CAMTA1: variants seen among roughly 807,000 people sequenced by gnomAD.
CAMTA1 encodes calmodulin binding transcription activator 1, also known as calmodulin-binding transcription activator 1.
Under a neutral mutation model 170.9 loss-of-function variants are expected in CAMTA1, and 27 were observed. The ratio of observed to expected loss-of-function variants is 0.16; its 90% CI spans 0.12 to 0.22. The LOEUF (loss-of-function observed/expected upper bound fraction) is 0.22. Among genes scored for constraint, CAMTA1 ranks in the 10% least tolerant of loss-of-function variants. The pLI, the probability that CAMTA1 is intolerant of heterozygous loss-of-function variation, is 1.00. For missense variants in CAMTA1, 1,619 were observed against 2,217.2 expected, an observed-to-expected ratio of 0.73 and a Z score of 5.42; for synonymous variants, 833 against 891.5, an observed-to-expected ratio of 0.93 and a Z score of 1.17.
intron 6 of CAMTA1, among the ~76,000 whole-genome samples, chr1:7,475,673 C>T (rs941607704): frequency 5.9e-5 from 9 of 152,216 alleles, no homozygotes; most frequent in African/African-American, 1.7e-4. Flanking sequence ...CCGTGCGTGA[C>T]GGCCACTGAG....
At chr1:7,548,033 C>A (rs1343531648) in intron 6 of CAMTA1, among the ~76,000 whole-genome samples, 1 of 152,194 alleles carries the variant, frequency 6.6e-6, no homozygotes, top group Non-Finnish European at 1.5e-5. Context: ...CATATGCTGG[C>A]CCCGACTTAA....
At chr1:7,230,548 A>G (rs951315179) in intron 4 of CAMTA1, among the ~76,000 whole-genome samples, 1 of 151,402 alleles carries the variant, frequency 6.6e-6, no homozygotes, top group African/African-American at 2.4e-5. Flanking sequence ...ACCAAAAGCC[A>G]TTCCTCTGAT....
chr1:7,014,764 T>G lies in CAMTA1; in HGVS notation c.235-76540T>G, dbSNP rs571911308. 3.3e-5 allele frequency among the ~76,000 whole-genome samples: 5 copies of G among 152,286 alleles called. No homozygotes were observed. Among genetic ancestry groups the G allele is most frequent in the African/African-American group, 1.2e-4 (5 of 41,570 alleles). On this transcript the variant is annotated intron_variant, in intron 3 of 22. Transcript: ENST00000303635. The surrounding 1 kb of genome is among the most constrained non-coding windows in gnomAD (Gnocchi z 4.2). Reference sequence around the variant, plus strand: ...AGGGGGCCAGTCTAGAGGTTACACATTCTGAGCTACCTTTCGGGGTCTGTG... The same window carrying G: ...AGGGGGCCAGTCTAGAGGTTACACAGTCTGAGCTACCTTTCGGGGTCTGTG...
chr1:7,353,654 C>A (rs930466470), intron 5 of CAMTA1, among the ~76,000 whole-genome samples: 1 of 152,128 alleles, frequency 6.6e-6, no homozygotes, highest in African/African-American at 2.4e-5. Context: ...GAACTCCTGA[C>A]CTCAGGTGAT....
intron 7 of CAMTA1, among the ~76,000 whole-genome samples, chr1:7,660,196 G>C (rs2095942702): frequency 6.6e-6 from 1 of 152,178 alleles, no homozygotes; most frequent in African/African-American, 2.4e-5. Flanking sequence ...AGCCCCCCAG[G>C]TAGCTGGGAT....
chr1:7,333,560 C>T lies in CAMTA1; in HGVS notation c.438+83934C>T, dbSNP rs2083165445. Among the ~76,000 whole-genome samples the T allele has an allele frequency of 6.6e-6, 1 of 152,138 alleles. No individual in the cohort carries two copies. The highest frequency in any genetic ancestry group is 2.1e-4 in the South Asian group (1 of 4,828). On this transcript the variant is annotated intron_variant, in intron 5 of 22. Coordinates refer to ENST00000303635, the MANE Select transcript of CAMTA1 (RefSeq NM_015215.4). This position sits in a 1 kb window ranked among gnomAD's most constrained non-coding sequence, Gnocchi z 4.4. ...GCCATGCGCAGCCAAGGCATTGGATCTTCATATTGGATCCAGGAAGACAAC... is the reference window on the plus strand; with the variant it reads ...GCCATGCGCAGCCAAGGCATTGGATTTTCATATTGGATCCAGGAAGACAAC...
intron 5 of CAMTA1, among the ~76,000 whole-genome samples, chr1:7,289,549 G>A (rs1672818650): frequency 1.3e-5 from 2 of 152,200 alleles, no homozygotes; most frequent in Admixed American, 1.3e-4. Flanking sequence ...GGCATCCTGG[G>A]TTGAATAGTA....
chr1:7,383,029 A>G (rs2087521589), intron 5 of CAMTA1, among the ~76,000 whole-genome samples: 1 of 152,202 alleles, frequency 6.6e-6, no homozygotes, highest in Non-Finnish European at 1.5e-5. Context: ...TGATGAACAA[A>G]ACCAGACCAT....
chr1:6,869,912 T>A (rs1667896862), intron 3 of CAMTA1, among the ~76,000 whole-genome samples: 1 of 152,148 alleles, frequency 6.6e-6, no homozygotes, highest in Admixed American at 6.5e-5. Context: ...CATTTTTTAG[T>A]GTGTGAGTTG....
At chr1:7,591,623 GCCACTAGAAT>G (rs1164403306) in intron 6 of CAMTA1, among the ~76,000 whole-genome samples, 1 of 152,220 alleles carries the variant, frequency 6.6e-6, no homozygotes, top group East Asian at 1.9e-4. Context: ...AGGGTCAGTG[GCCACTAGAAT>G]CCCTCCCGTG....
intron 11 of CAMTA1, among the ~76,000 whole-genome samples, chr1:7,688,972 A>G (rs971963598): frequency 3.3e-5 from 5 of 152,242 alleles, no homozygotes; most frequent in African/African-American, 1.2e-4. Context: ...AGACTTTTTA[A>G]AAAATCAGGC....
rs549705729 is a variant in CAMTA1 at position 7,594,261 on chromosome 1, A to T, written c.511-46139A>T. On this transcript the variant is annotated intron_variant, in intron 6 of 22. Coordinates refer to ENST00000303635, the MANE Select transcript of CAMTA1 (RefSeq NM_015215.4). ...AGGAAGAAAGAAAAGAAGGACTGTC[A>T]GAGGAGGTGGTATTTGAGCTGCGGC... is the stretch of plus-strand genomic sequence containing the variant. 8.7e-5 allele frequency among the ~76,000 whole-genome samples: 12 copies of T among 138,432 alleles called. No individual in the cohort carries two copies. The South Asian group carries it at 2.7e-3, about 31-fold the overall frequency. The allele number at this position is 138,432 out of a possible 152,430, so 90.8% of individuals were successfully genotyped here.
intron 6 of CAMTA1, among the ~76,000 whole-genome samples, chr1:7,486,165 G>A (rs2093614836): frequency 6.6e-6 from 1 of 152,186 alleles, no homozygotes; most frequent in African/African-American, 2.4e-5. Flanking sequence ...GATTTTCGTA[G>A]GTGTTCAGAT....
chr1:7,101,490 ATTC>A (rs1227868016), intron 4 of CAMTA1, among the ~76,000 whole-genome samples: 2 of 152,328 alleles, frequency 1.3e-5, no homozygotes, highest in South Asian at 4.1e-4. Flanking sequence ...TGTCTTTGCT[ATTC>A]TTAGATTTTC....
chr1:7,450,800 C>G (rs953156037), intron 5 of CAMTA1, among the ~76,000 whole-genome samples: 8 of 152,336 alleles, frequency 5.3e-5, no homozygotes, highest in Middle Eastern at 3.4e-3. Context: ...CCCGCGGACC[C>G]ATCACAAGGC....
intron 4 of CAMTA1, among the ~76,000 whole-genome samples, chr1:7,215,079 G>A (rs1187308931): frequency 6.6e-6 from 1 of 151,684 alleles, no homozygotes; most frequent in African/African-American, 2.4e-5. Flanking sequence ...TATATAATAA[G>A]CCTTCATCTG....
At chr1:7,117,592 G>A (rs1644407755) in intron 4 of CAMTA1, among the ~76,000 whole-genome samples, 1 of 152,144 alleles carries the variant, frequency 6.6e-6, no homozygotes, top group Admixed American at 6.5e-5. Context: ...AACCCTGAAC[G>A]TTTAATAACT....
chr1:7,362,043 A>G (rs927892114), intron 5 of CAMTA1, among the ~76,000 whole-genome samples: 2 of 152,246 alleles, frequency 1.3e-5, no homozygotes, highest in African/African-American at 4.8e-5. Context: ...TTTTCTCTAT[A>G]CTTGGACAGG....
At chr1:7,352,223 C>G (rs2084738149) in intron 5 of CAMTA1, among the ~76,000 whole-genome samples, 1 of 151,284 alleles carries the variant, frequency 6.6e-6, no homozygotes, top group African/African-American at 2.5e-5. Flanking sequence ...AGAGAAACGG[C>G]TCCTGGGTGG....
Sources: allele counts gnomAD v4.1 joint callset (sites outside exome capture counted in the v4.1 genomes callset), GRCh38; gene constraint gnomAD v4.1.1; non-coding constraint Gnocchi (gnomAD v3.1); transcripts MANE v1.5; gene names NCBI Gene and HGNC (gene_info 2026-07-23, HGNC 2026-07-21).